The following NEDD4 variants were observed in gnomAD, a reference collection of about 807,000 sequenced individuals.
NEDD4 encodes E3 ubiquitin-protein ligase NEDD4.
NEDD4 carries 99 observed loss-of-function variants against 144.9 expected under a neutral mutation model. The ratio of observed to expected loss-of-function variants is 0.68; its 90% CI spans 0.58 to 0.81. NEDD4 has a LOEUF of 0.81. Among genes scored for constraint, NEDD4 ranks in the 30% least tolerant of loss-of-function variants. The probability of loss-of-function intolerance (pLI) is 0.00; values close to 1 mark genes in which losing one functional copy is unlikely to be tolerated. For missense variants in NEDD4, 985 were observed against 1,065.9 expected (o/e 0.92, Z 1.06); for synonymous variants, 318 against 350.6 (o/e 0.91, Z 1.04).
At chr15:55,892,317 TAAATAATA>T (rs1182165768) in intron 5 of NEDD4, among the ~76,000 whole-genome samples, 11 of 123,790 alleles carry the variant, frequency 8.9e-5, no homozygotes, top group East Asian at 2.5e-4. Context: ...AATAAATAAA[TAAATAATA>T]AATATGAATT....
At chr15:55,980,486 T>A (rs898124749) in intron 1 of NEDD4, among the ~76,000 whole-genome samples, 20 of 152,128 alleles carry the variant, frequency 1.3e-4, no homozygotes, top group Non-Finnish European at 2.5e-4. Context: ...AATGGTAGGT[T>A]CAGATCATTC....
intron 5 of NEDD4, among the ~76,000 whole-genome samples, chr15:55,881,373 T>C (rs1449846531): frequency 6.6e-6 from 1 of 152,116 alleles, no homozygotes; most frequent in Non-Finnish European, 1.5e-5. Context: ...ACTCCTGACC[T>C]CCAGTAATCT....
chr15:55,854,038 C>G (rs1215011021), intron 12 of NEDD4, among the ~76,000 whole-genome samples: 1 of 152,014 alleles, frequency 6.6e-6, no homozygotes, highest in Non-Finnish European at 1.5e-5. Context: ...TGTAGTCCAG[C>G]TACTCGGGAG....
intron 2 of NEDD4, among the ~76,000 whole-genome samples, chr15:55,963,329 A>G (rs1209458466): frequency 1.3e-5 from 2 of 151,052 alleles, no homozygotes; most frequent in Non-Finnish European, 3.0e-5. Context: ...ACAGGGTCCC[A>G]CTTTGTTGCC....
rs564993282 is a variant in NEDD4 at position 55,945,339 on chromosome 15, A to G, written c.237+6037T>C. Among the ~76,000 whole-genome samples the G allele has an allele frequency of 5.9e-5, 9 of 152,310 alleles. No homozygotes were observed. In the South Asian group the frequency reaches 1.9e-3, roughly 32 times the overall value. ...CTTAAATGACCTGATGGAGCTGAAA[A>G]CCATGGCACAAGAACTTTGTGATAC... On this transcript the variant is annotated intron_variant, in intron 4 of 28. Transcript: ENST00000435532.
intron 27 of NEDD4, among the ~76,000 whole-genome samples, chr15:55,831,504 T>C (rs2032949205): frequency 1.3e-5 from 2 of 152,084 alleles, no homozygotes; most frequent in Admixed American, 1.3e-4. Context: ...TACTAACTTG[T>C]TAAAGTAGAG....
chr15:55,850,362 A>G (rs953328280), intron 14 of NEDD4, among the ~76,000 whole-genome samples, 180 bp downstream of exon 14: 2 of 152,238 alleles, frequency 1.3e-5, no homozygotes, highest in Admixed American at 6.5e-5. Context: ...CCAAAACAAT[A>G]TTAAAAAGAC....
intron 5 of NEDD4, among the ~76,000 whole-genome samples, chr15:55,874,314 A>C (rs1315022906): frequency 3.3e-5 from 5 of 152,132 alleles, no homozygotes; most frequent in African/African-American, 1.2e-4. Flanking sequence ...CCTTCAAAGA[A>C]GGAACTACAC....
chr15:55,896,091 T>C (rs1412101581), intron 5 of NEDD4, among the ~76,000 whole-genome samples: 1 of 152,198 alleles, frequency 6.6e-6, no homozygotes, highest in Non-Finnish European at 1.5e-5. Flanking sequence ...CAGCCTTCTA[T>C]TAACAAAAGC....
intron 1 of NEDD4, among the ~76,000 whole-genome samples, chr15:55,985,212 A>G (rs927639652): frequency 1.3e-5 from 2 of 152,274 alleles, no homozygotes; most frequent in Non-Finnish European, 2.9e-5. Flanking sequence ...CTAATTACCT[A>G]TAAAAGAAAT....
chr15:55,827,993 A>T lies in NEDD4; in HGVS notation c.*1904T>A, dbSNP rs1484811804. 1 of 152,232 alleles carries T rather than the reference A, an allele frequency of 6.6e-6. No individual in the cohort carries two copies. Among genetic ancestry groups the T allele is most frequent in the Non-Finnish European group, 1.5e-5 (1 of 68,046 alleles). 9.4% of individuals were successfully genotyped at this position (152,232 alleles called of 1,614,324 possible). A position where few individuals can be genotyped will look rare whatever the true frequency, so the allele number is the denominator to read the frequency against. ...TTGACAGATGAAGAAATATGAATCC[A>T]GAGAGGTTAAGTAAGCTGCTTCAGT... On this transcript the variant is annotated 3_prime_UTR_variant, in exon 29 of 29. Transcript: ENST00000435532.
rs1388926613 is a variant in NEDD4, at chr15:55,993,579, G to A, written c.-24C>T. The A allele has an allele frequency of 6.3e-7, 1 of 1,590,372 alleles. No homozygotes were observed. The highest frequency in any genetic ancestry group is 1.4e-5 in the African/African-American group (1 of 72,420). On this transcript the variant is annotated 5_prime_UTR_variant, in exon 1 of 29. Coordinates refer to ENST00000435532, the MANE Select transcript of NEDD4 (RefSeq NM_006154.4). ...ATTTCCGAACGCTTCCAGCAAACCGGACGCGCTCGCCCCCGCCCAGGGCAG... is the reference window on the plus strand; with the variant it reads ...ATTTCCGAACGCTTCCAGCAAACCGAACGCGCTCGCCCCCGCCCAGGGCAG...
chr15:55,852,724 T>TATATATATATATATATATATATATATA (rs1566910889), intron 12 of NEDD4, among the ~76,000 whole-genome samples, 181 bp from the exon 13 acceptor site: 2 of 128,732 alleles, frequency 1.6e-5, no homozygotes, highest in African/African-American at 5.7e-5. Context: ...TATATATATA[T>TATATATATATATATATATATATATATA]TTACCTTTTC....
chr15:55,882,098 C>T (rs1199574438), intron 5 of NEDD4, among the ~76,000 whole-genome samples: 6 of 152,156 alleles, frequency 3.9e-5, no homozygotes, highest in African/African-American at 1.4e-4. Context: ...AAAGTAACAG[C>T]TTTTAGGCAG....
intron 5 of NEDD4, among the ~76,000 whole-genome samples, chr15:55,920,101 A>G (rs1293878551): frequency 6.6e-6 from 1 of 152,168 alleles, no homozygotes; most frequent in East Asian, 1.9e-4. Flanking sequence ...CAAGACTACA[A>G]TGTAGAATCC....
chr15:55,915,868 C>A, intron 5 of NEDD4: 2 of 1,613,926 alleles, frequency 1.2e-6, no homozygotes, highest in Non-Finnish European at 8.5e-7. Context: ...CCATTGACAG[C>A]TGTTGAAAGA....
At chr15:55,919,907 T>C (rs551793593) in intron 5 of NEDD4, among the ~76,000 whole-genome samples, 8 of 152,306 alleles carry the variant, frequency 5.3e-5, no homozygotes, top group African/African-American at 1.9e-4. Context: ...TAGGTTATGG[T>C]ACCCACTTGT....
At chr15:55,900,438 T>C (rs2035877347) in intron 5 of NEDD4, among the ~76,000 whole-genome samples, 1 of 152,200 alleles carries the variant, frequency 6.6e-6, no homozygotes, top group Admixed American at 6.5e-5. Context: ...GAAACTCAGA[T>C]TAAATGGAGT....
rs1176582105 is a variant in NEDD4, at chr15:55,840,023, T to A, written c.2031+424A>T. ...AAATATATATATATATATATATATA[T>A]ATATATATATATATATATAACATTC... On this transcript the variant is annotated intron_variant, in intron 21 of 28. Coordinates refer to ENST00000435532, the MANE Select transcript of NEDD4 (RefSeq NM_006154.4). Among the ~76,000 whole-genome samples, 168 of 60,866 alleles carry A rather than the reference T, an allele frequency of 2.8e-3. 3 individuals are homozygous for A. The highest frequency in any genetic ancestry group is 9.2e-3 in the African/African-American group (149 of 16,136). The allele number at this position is 60,866 out of a possible 152,430, so 39.9% of individuals were successfully genotyped here. A position where few individuals can be genotyped will look rare whatever the true frequency, so the allele number is the denominator to read the frequency against.
Sources: gnomAD v4.1 joint callset for allele counts (sites outside exome capture counted in the v4.1 genomes callset) on GRCh38, gnomAD v4.1.1 for gene constraint, MANE v1.5 for transcripts, NCBI Gene and HGNC (gene_info 2026-07-23, HGNC 2026-07-21) for gene names.